CLHC1: variants seen among roughly 807,000 people sequenced by gnomAD.
CLHC1 encodes the protein clathrin heavy chain linker domain-containing protein 1.
CLHC1 carries 72 observed loss-of-function variants against 69.5 expected under a neutral mutation model. That is an observed-to-expected ratio of 1.04 (90% CI 0.86 to 1.26). The LOEUF (loss-of-function observed/expected upper bound fraction) is 1.26, where lower values mean the gene tolerates loss of function less well. Ranked by LOEUF, CLHC1 falls within the 50% of genes most tolerant of loss-of-function variation. The pLI, the probability that CLHC1 is intolerant of heterozygous loss-of-function variation, is 0.00. For missense variants in CLHC1, 790 were observed against 679.3 expected, an observed-to-expected ratio of 1.16 and a Z score of -1.81; for synonymous variants, 223 against 224.3, an observed-to-expected ratio of 0.99 and a Z score of 0.05.
rs1346615794 is a variant in CLHC1, at chr2:55,175,144, C to T, written c.*646G>A. On this transcript the variant is annotated 3_prime_UTR_variant, in exon 13 of 13. Coordinates refer to ENST00000401408, the MANE Select transcript of CLHC1 (RefSeq NM_152385.4). ...AGACACTTGAAATAATCCAAAACCA[C>T]TTCTTATGACATATTTTCCATACCT... 2.0e-5 allele frequency: 3 copies of T among 152,146 alleles called. No homozygotes were observed. The highest frequency in any genetic ancestry group is 7.2e-5 in the African/African-American group (3 of 41,428). 9.4% of individuals were successfully genotyped at this position (152,146 alleles called of 1,614,324 possible).
chr2:55,206,259 G>C lies in CLHC1; in HGVS notation c.1006+11C>G. Reference sequence around the variant, plus strand: ...TTCATACATATATAAGGTTCAGAGAGAAATGCTTACCCTTAAATGTATTCA... The same window carrying C: ...TTCATACATATATAAGGTTCAGAGACAAATGCTTACCCTTAAATGTATTCA... On this transcript the variant is annotated intron_variant, in intron 9 of 12. Coordinates refer to ENST00000401408, the MANE Select transcript of CLHC1 (RefSeq NM_152385.4). 1 of 1,467,004 alleles carries C rather than the reference G, an allele frequency of 6.8e-7. No homozygotes were observed. The highest frequency in any genetic ancestry group is 9.5e-7 in the Non-Finnish European group (1 of 1,048,386). 90.9% of individuals were successfully genotyped at this position (1,467,004 alleles called of 1,614,324 possible). A position where few individuals can be genotyped will look rare whatever the true frequency, so the allele number is the denominator to read the frequency against.
intron 9 of CLHC1, among the ~76,000 whole-genome samples, chr2:55,200,225 T>TAAAA (rs34374033): frequency 0.14 from 7,113 of 52,332 alleles, 533 homozygotes; most frequent in African/African-American, 0.18. Flanking sequence ...AAGACTGTCT[T>TAAAA]AAAAAAAAAA....
At chr2:55,190,091 C>A (rs1445988315) in intron 9 of CLHC1, among the ~76,000 whole-genome samples, 1 of 152,078 alleles carries the variant, frequency 6.6e-6, no homozygotes, top group African/African-American at 2.4e-5. Context: ...GTGGCCCAGG[C>A]TGGAGTGCAG....
intron 10 of CLHC1, among the ~76,000 whole-genome samples, chr2:55,181,221 T>C (rs1162589460): frequency 6.6e-6 from 1 of 152,156 alleles, no homozygotes; most frequent in East Asian, 1.9e-4. Context: ...CCTCAAGTCA[T>C]CTGCCCACCT....
At chr2:55,181,119 T>C (rs1669895069) in intron 10 of CLHC1, among the ~76,000 whole-genome samples, 1 of 152,168 alleles carries the variant, frequency 6.6e-6, no homozygotes, top group Admixed American at 6.5e-5. Flanking sequence ...TAGCAGGGAC[T>C]ACAGCCGTGC....
chr2:55,217,691 C>T (rs1196526788), intron 4 of CLHC1, 120 bp downstream of exon 4: 4 of 533,230 alleles, frequency 7.5e-6, no homozygotes, highest in Admixed American at 4.0e-5. Context: ...CATAAAAATG[C>T]ATCATTTAAA....
intron 9 of CLHC1, among the ~76,000 whole-genome samples, chr2:55,204,216 G>A (rs937294798): frequency 2.6e-5 from 4 of 152,102 alleles, no homozygotes; most frequent in Non-Finnish European, 2.9e-5. Flanking sequence ...CCTGGGAGGC[G>A]GAGGTTGTGG....
At chr2:55,181,480 T>C in intron 10 of CLHC1, 90 bp downstream of exon 10, 2 of 1,020,328 alleles carry the variant, frequency 2.0e-6, no homozygotes, top group Admixed American at 2.4e-5. Flanking sequence ...AATGTTCAAG[T>C]AACATATTGA....
At position 55,175,916 on chromosome 2, in the gene CLHC1, T is replaced by C; in HGVS notation, c.1635A>G (p.Ile545Met). 4 of 1,614,018 alleles carry C rather than the reference T, an allele frequency of 2.5e-6. No homozygotes were observed. The highest frequency in any genetic ancestry group is 3.3e-5 in the Admixed American group (2 of 60,024). Reference protein sequence around the residue: ...SIEKWQEVANICSQNGFDKLS... With the variant: ...SIEKWQEVANMCSQNGFDKLS... ...ATTTGTCAAAGCCATTCTGTGAACATATATTTGCCACTTCTTGCCACTTTT... is the reference window on the plus strand; with the variant it reads ...ATTTGTCAAAGCCATTCTGTGAACACATATTTGCCACTTCTTGCCACTTTT... Residue 545 changes from isoleucine (I) to methionine (M), a missense_variant, in exon 13 of 13, where the codon ATA (isoleucine) becomes ATG (methionine). By Grantham distance (10) the Ile-to-Met change is conservative. Coordinates refer to ENST00000401408, the MANE Select transcript of CLHC1 (RefSeq NM_152385.4).
At chr2:55,230,622 G>C (rs924889742) in intron 1 of CLHC1, among the ~76,000 whole-genome samples, 2 of 152,178 alleles carry the variant, frequency 1.3e-5, no homozygotes, top group African/African-American at 2.4e-5. Flanking sequence ...TAGAGGTCTT[G>C]CAGATCAAGA....
chr2:55,209,713 C>T lies in CLHC1; in HGVS notation c.618G>A (p.Arg206=), dbSNP rs2103943264. ...AMLIKYVPAQ[R]KADLDEEMIV... ...TCATTTCTTCATCTAAATCAGCCTT[C>T]CTCTGAGCTGGCACATATTTTATCA... is the stretch of plus-strand genomic sequence containing the variant. The change falls in exon 6 of 13, where the codon AGG becomes AGA. Residue 206 remains arginine, a synonymous_variant. Coordinates refer to ENST00000401408, the MANE Select transcript of CLHC1 (RefSeq NM_152385.4). 3 of 1,613,960 alleles carry T rather than the reference C, an allele frequency of 1.9e-6. No individual in the cohort carries two copies. Among genetic ancestry groups the T allele is most frequent in the East Asian group, 4.5e-5 (2 of 44,866 alleles).
chr2:55,228,421 C>T (rs566482408), intron 1 of CLHC1, among the ~76,000 whole-genome samples: 1 of 152,324 alleles, frequency 6.6e-6, no homozygotes, highest in African/African-American at 2.4e-5. Flanking sequence ...GGGATTGTTC[C>T]TTAACATCTA....
At chr2:55,176,021 C>T in intron 12 of CLHC1, 35 bp from the exon 13 acceptor site, 2 of 1,511,238 alleles carry the variant, frequency 1.3e-6, no homozygotes, top group Non-Finnish European at 1.8e-6. Context: ...TAGTATGGCA[C>T]TTATTTGATA....
At chr2:55,220,976 G>T (rs1170447892) in intron 3 of CLHC1, among the ~76,000 whole-genome samples, 1 of 152,046 alleles carries the variant, frequency 6.6e-6, no homozygotes, top group East Asian at 1.9e-4. Context: ...GAAAGACCCT[G>T]TTTCTCTATT....
intron 4 of CLHC1, among the ~76,000 whole-genome samples, chr2:55,217,377 GC>G (rs1673624983): frequency 6.7e-6 from 1 of 149,440 alleles, no homozygotes; most frequent in Non-Finnish European, 1.5e-5. Context: ...AAAAAAATTA[GC>G]TGGGCATGGT....
At chr2:55,227,481 C>T (rs1040536817) in intron 2 of CLHC1, among the ~76,000 whole-genome samples, 1 of 152,008 alleles carries the variant, frequency 6.6e-6, no homozygotes, top group African/African-American at 2.4e-5. Context: ...AGTTCAAGAC[C>T]AGTCTGACCA....
chr2:55,209,404 C>T lies in CLHC1; in HGVS notation c.814G>A (p.Gly272Ser), dbSNP rs200240456. 1 of 1,562,362 alleles carries T rather than the reference C, an allele frequency of 6.4e-7. No individual in the cohort carries two copies. The highest frequency in any genetic ancestry group is 1.4e-5 in the African/African-American group (1 of 73,098). The change falls in exon 7 of 13, where the codon GGT becomes AGT. Residue 272 changes from glycine (G) to serine (S), a missense_variant and splice_region_variant. By Grantham distance (56) the Gly-to-Ser change is moderately conservative. Transcript: ENST00000401408. ...TAATTTAAAAATATAGATAATCTAC[C>T]TTGTAAATATTTGGTTTTCTGAATT... The part of the protein sequence containing the change: ...EQIQKTKYLQ[G>S]DQGIVEELME...
intron 3 of CLHC1, among the ~76,000 whole-genome samples, chr2:55,219,938 G>A (rs906724647): frequency 2.6e-5 from 4 of 152,120 alleles, no homozygotes; most frequent in Non-Finnish European, 5.9e-5. Context: ...GTGTTGCTAT[G>A]TTGCCCAGGA....
chr2:55,211,307 A>C (rs1006979367), intron 5 of CLHC1, among the ~76,000 whole-genome samples: 2 of 151,972 alleles, frequency 1.3e-5, no homozygotes, highest in African/African-American at 4.8e-5. Context: ...CAAGACCATC[A>C]TGGCTAACAC....
Sources: allele counts gnomAD v4.1 joint callset (sites outside exome capture counted in the v4.1 genomes callset), GRCh38; gene constraint gnomAD v4.1.1; transcripts MANE v1.5; gene names NCBI Gene and HGNC (gene_info 2026-07-23, HGNC 2026-07-21).